ZRANB3: variants seen among roughly 807,000 people sequenced by gnomAD.
ZRANB3 encodes zinc finger RANBP2-type containing 3, also known as DNA annealing helicase and endonuclease ZRANB3.
In ZRANB3, 125 loss-of-function variants were observed where a neutral mutation model predicts 133.8. That is an observed-to-expected ratio of 0.93 (90% confidence interval 0.81 to 1.08). The LOEUF (loss-of-function observed/expected upper bound fraction) is 1.08, where lower values mean the gene tolerates loss of function less well. Among genes scored for constraint, ZRANB3 ranks in the 50% least tolerant of loss-of-function variants. ZRANB3 has a pLI of 0.00. For missense variants in ZRANB3, 1,229 were observed against 1,275.5 expected, an observed-to-expected ratio of 0.96 and a Z score of 0.56; for synonymous variants, 387 against 432.7, an observed-to-expected ratio of 0.89 and a Z score of 1.31.
chr2:135,447,799 T>C (rs752941912), intron 2 of ZRANB3, among the ~76,000 whole-genome samples: 16 of 152,230 alleles, frequency 1.1e-4, no homozygotes, highest in Non-Finnish European at 2.1e-4. Context: ...GACCAGTCTC[T>C]CTTCACTATC....
intron 16 of ZRANB3, 101 bp from the exon 17 acceptor site, chr2:135,217,708 G>T: frequency 7.2e-7 from 1 of 1,398,548 alleles, no homozygotes; most frequent in Non-Finnish European, 9.5e-7. Context: ...ATTTTGTTAT[G>T]TCCCCCAAAT....
intron 15 of ZRANB3, among the ~76,000 whole-genome samples, chr2:135,222,006 G>A (rs1168307595): frequency 6.6e-6 from 1 of 152,172 alleles, no homozygotes; most frequent in African/African-American, 2.4e-5. Flanking sequence ...ACCTGTAACT[G>A]AAAGTTTGGT....
intron 8 of ZRANB3, among the ~76,000 whole-genome samples, chr2:135,310,803 C>G (rs1340756854): frequency 1.3e-5 from 2 of 152,000 alleles, no homozygotes; most frequent in Non-Finnish European, 2.9e-5. Flanking sequence ...CCATTATAAT[C>G]TTATGAGACC....
At chr2:135,354,854 T>C (rs1042504378) in intron 3 of ZRANB3, among the ~76,000 whole-genome samples, 3 of 152,182 alleles carry the variant, frequency 2.0e-5, no homozygotes, top group Non-Finnish European at 4.4e-5. Flanking sequence ...ACATAACCTA[T>C]GCATTTTTTA....
intron 3 of ZRANB3, among the ~76,000 whole-genome samples, chr2:135,365,044 CA>C (rs536699382): frequency 3.7e-4 from 47 of 128,570 alleles, no homozygotes; most frequent in East Asian, 1.6e-3. Context: ...GACTCTGTCT[CA>C]AAAAAAAAAA....
chr2:135,458,720 T>A (rs1671175573), intron 2 of ZRANB3, among the ~76,000 whole-genome samples: 1 of 152,060 alleles, frequency 6.6e-6, no homozygotes, highest in African/African-American at 2.4e-5. Flanking sequence ...GACACAGAGA[T>A]CTATTCTAAT....
intron 3 of ZRANB3, among the ~76,000 whole-genome samples, chr2:135,354,604 G>A (rs1472137816): frequency 6.6e-6 from 1 of 152,150 alleles, no homozygotes; most frequent in Non-Finnish European, 1.5e-5. Flanking sequence ...AATAAAAAAA[G>A]AATGAACTCA....
At chr2:135,467,110 C>T (rs1691033359) in intron 2 of ZRANB3, among the ~76,000 whole-genome samples, 1 of 152,100 alleles carries the variant, frequency 6.6e-6, no homozygotes, top group African/African-American at 2.4e-5. Flanking sequence ...TCTCTTGGTC[C>T]AATTCCTCTT....
chr2:135,224,393 T>C (rs754340716), intron 15 of ZRANB3, 33 bp downstream of exon 15: 28 of 1,519,006 alleles, frequency 1.8e-5, no homozygotes, highest in Non-Finnish European at 2.3e-5. Context: ...GTCTTTTTTA[T>C]GTTTCAAGTT....
At chr2:135,501,394 A>G (rs1344983448) in intron 2 of ZRANB3, among the ~76,000 whole-genome samples, 1 of 152,180 alleles carries the variant, frequency 6.6e-6, no homozygotes, top group Non-Finnish European at 1.5e-5. Flanking sequence ...TAGCACTAAC[A>G]ATAGCACTAT....
intron 12 of ZRANB3, among the ~76,000 whole-genome samples, chr2:135,262,931 G>A (rs1680034442): frequency 6.6e-6 from 1 of 151,810 alleles, no homozygotes; most frequent in Non-Finnish European, 1.5e-5. Context: ...TTTGTTAGAG[G>A]TGAGACTGGG....
At chr2:135,467,817 T>C (rs570186172) in intron 2 of ZRANB3, among the ~76,000 whole-genome samples, 1 of 152,348 alleles carries the variant, frequency 6.6e-6, no homozygotes, top group East Asian at 1.9e-4. Flanking sequence ...TCTGAGCTTT[T>C]TTCAAGTTCT....
At chr2:135,272,889 A>G (rs971503735) in intron 9 of ZRANB3, among the ~76,000 whole-genome samples, 1 of 152,112 alleles carries the variant, frequency 6.6e-6, no homozygotes, top group Non-Finnish European at 1.5e-5. Flanking sequence ...ATAGCTAAAA[A>G]GAAGTTATTA....
At chr2:135,406,252 C>T (rs1688020695) in intron 2 of ZRANB3, among the ~76,000 whole-genome samples, 3 of 152,138 alleles carry the variant, frequency 2.0e-5, no homozygotes, top group African/African-American at 7.2e-5. Flanking sequence ...GACACATACG[C>T]CCTCCCAAGA....
intron 2 of ZRANB3, among the ~76,000 whole-genome samples, chr2:135,395,990 C>T (rs985759219): frequency 6.6e-6 from 1 of 151,980 alleles, no homozygotes; most frequent in African/African-American, 2.4e-5. Context: ...TCTAATAATC[C>T]AATTTTTTAA....
intron 8 of ZRANB3, among the ~76,000 whole-genome samples, chr2:135,289,317 G>A (rs111682960): frequency 3.8e-4 from 58 of 152,138 alleles, no homozygotes; most frequent in African/African-American, 1.3e-3. Flanking sequence ...GTGTAGTGGC[G>A]TGATCTCGGC....
intron 12 of ZRANB3, among the ~76,000 whole-genome samples, chr2:135,254,673 C>T (rs1223007044): frequency 1.3e-5 from 2 of 151,936 alleles, no homozygotes; most frequent in Non-Finnish European, 2.9e-5. Flanking sequence ...TAAAATTCAC[C>T]CTTTTATAGT....
intron 9 of ZRANB3, among the ~76,000 whole-genome samples, chr2:135,273,691 A>G (rs1185874523): frequency 2.6e-5 from 4 of 152,164 alleles, no homozygotes; most frequent in Non-Finnish European, 5.9e-5. Flanking sequence ...GGCATGTGCC[A>G]CCACGCCCGG....
At chr2:135,265,383 T>G (rs1680182048) in intron 12 of ZRANB3, 151 bp downstream of exon 12, 2 of 724,078 alleles carry the variant, frequency 2.8e-6, no homozygotes, top group Non-Finnish European at 4.2e-6. Context: ...AAAACAATAT[T>G]AATTTTTGGC....
Sources: gnomAD v4.1 joint callset for allele counts (sites outside exome capture counted in the v4.1 genomes callset) on GRCh38, gnomAD v4.1.1 for gene constraint, MANE v1.5 for transcripts, NCBI Gene and HGNC (gene_info 2026-07-23, HGNC 2026-07-21) for gene names.